DPYD: variants seen among roughly 807,000 people sequenced by gnomAD.
The protein encoded by DPYD is dihydropyrimidine dehydrogenase, also known as dihydropyrimidine dehydrogenase [NADP(+)].
In DPYD, 109 loss-of-function variants were observed where a neutral mutation model predicts 116.2. The observed-to-expected ratio is 0.94, with a 90% CI of 0.80 to 1.10. The LOEUF (loss-of-function observed/expected upper bound fraction) is 1.10. DPYD is among the 50% of genes least tolerant of loss of function. The pLI is 0.00. For missense variants in DPYD, 1,302 were observed against 1,254.5 expected (o/e 1.04, Z -0.57); for synonymous variants, 440 against 432.0 (o/e 1.02, Z -0.23).
chr1:97,721,390 T>G, intron 5 of DPYD, 120 bp downstream of exon 5: 2 of 1,211,862 alleles, frequency 1.7e-6, no homozygotes, highest in Non-Finnish European at 2.4e-6. Flanking sequence ...AAAACATACT[T>G]GAGCTGTGTG....
intron 8 of DPYD, among the ~76,000 whole-genome samples, chr1:97,620,151 T>C (rs904111172): frequency 5.3e-5 from 8 of 152,164 alleles, no homozygotes; most frequent in African/African-American, 4.8e-5. Context: ...TTCATCTTAA[T>C]GTTCTGCCAT....
chr1:97,424,066 T>C (rs1000918497), intron 14 of DPYD, among the ~76,000 whole-genome samples: 3 of 152,100 alleles, frequency 2.0e-5, no homozygotes, highest in Non-Finnish European at 4.4e-5. Flanking sequence ...ATGGTATTTA[T>C]TTTTATCTAC....
intron 16 of DPYD, among the ~76,000 whole-genome samples, chr1:97,369,283 C>T (rs1459402184): frequency 2.6e-5 from 4 of 152,072 alleles, no homozygotes; most frequent in African/African-American, 9.7e-5. Context: ...ACCAGAGAAG[C>T]ACCTTGAGTC....
intron 16 of DPYD, among the ~76,000 whole-genome samples, chr1:97,314,784 C>G (rs938764130): frequency 6.6e-6 from 1 of 151,952 alleles, no homozygotes; most frequent in Non-Finnish European, 1.5e-5. Flanking sequence ...AACAGGAAAT[C>G]CACGGCCTCA....
In DPYD at chr1:97,234,957, G is replaced by A. The variant is rs372413776; in HGVS notation, c.2337C>T (p.Thr779=). 11 of 1,614,024 alleles carry A rather than the reference G, an allele frequency of 6.8e-6. No individual in the cohort carries two copies. Among genetic ancestry groups the A allele is most frequent in the African/African-American group, 1.3e-5 (1 of 75,020 alleles). The change falls in exon 19 of 23, where the codon ACC becomes ACT. Residue 779 remains threonine (T), a synonymous_variant. Transcript: ENST00000370192. ...AIRPIALRAV[T]SIARALPGFP... Reference sequence around the variant, plus strand: ...ATCCAGGCAGAGCACGAGCAATGGAGGTCACAGCTCTCAAAGCAATAGGTC... The same window carrying A: ...ATCCAGGCAGAGCACGAGCAATGGAAGTCACAGCTCTCAAAGCAATAGGTC...
At chr1:97,104,262 C>A (rs1291364382) in intron 20 of DPYD, among the ~76,000 whole-genome samples, 1 of 152,056 alleles carries the variant, frequency 6.6e-6, no homozygotes, top group African/African-American at 2.4e-5. Flanking sequence ...TTTACAAAAT[C>A]TTTCTGGTTG....
At chr1:97,912,362 T>C (rs1392094125) in intron 1 of DPYD, among the ~76,000 whole-genome samples, 1 of 152,152 alleles carries the variant, frequency 6.6e-6, no homozygotes, top group African/African-American at 2.4e-5. Flanking sequence ...AGAGAGAGGC[T>C]TGAATACATT....
chr1:97,089,359 A>G (rs1385704438), intron 21 of DPYD, among the ~76,000 whole-genome samples: 1 of 152,160 alleles, frequency 6.6e-6, no homozygotes, highest in African/African-American at 2.4e-5. Flanking sequence ...CACGTTTCTC[A>G]TTTAACTGGG....
At chr1:97,464,625 G>A (rs185860920) in intron 13 of DPYD, among the ~76,000 whole-genome samples, 128 of 152,314 alleles carry the variant, frequency 8.4e-4, no homozygotes, top group African/African-American at 2.8e-3. Flanking sequence ...GCTTCAGAGC[G>A]TGGAAGCCTC....
chr1:97,742,451 C>G (rs1664322604), intron 3 of DPYD, among the ~76,000 whole-genome samples: 1 of 152,042 alleles, frequency 6.6e-6, no homozygotes, highest in African/African-American at 2.4e-5. Context: ...ATCAATTGTC[C>G]TCTCTGAAAT....
intron 3 of DPYD, among the ~76,000 whole-genome samples, chr1:97,741,802 G>A (rs1267956341): frequency 6.6e-6 from 1 of 152,098 alleles, no homozygotes; most frequent in Non-Finnish European, 1.5e-5. Context: ...GAATCTGGGT[G>A]AAATATAGCA....
chr1:97,246,583 T>C (rs574873286), intron 18 of DPYD, among the ~76,000 whole-genome samples: 26 of 152,230 alleles, frequency 1.7e-4, no homozygotes, highest in African/African-American at 6.0e-4. Context: ...GAACAAATCA[T>C]ATTTATAAAA....
chr1:97,346,911 T>C lies in DPYD; in HGVS notation c.2058+26650A>G, dbSNP rs11810126. On this transcript the variant is annotated intron_variant, in intron 16 of 22. Transcript: ENST00000370192. ...TATGTTAAGTGCTTAGAACAATGTC[T>C]AGCATAAATGCTATATAAAATATTT... is the stretch of plus-strand genomic sequence containing the variant. Among the ~76,000 whole-genome samples the C allele has an allele frequency of 3.1e-3, 464 of 151,998 alleles. 2 individuals carry two copies. Among genetic ancestry groups the C allele is most frequent in the African/African-American group, 0.011 (448 of 41,552 alleles).
intron 13 of DPYD, among the ~76,000 whole-genome samples, chr1:97,488,248 C>T (rs534229787): frequency 1.1e-4 from 17 of 151,924 alleles, no homozygotes; most frequent in African/African-American, 4.1e-4. Flanking sequence ...AGATAGAGGA[C>T]AGATTATGGT....
At chr1:97,823,858 C>T (rs966330237) in intron 3 of DPYD, among the ~76,000 whole-genome samples, 1 of 114,018 alleles carries the variant, frequency 8.8e-6, no homozygotes, top group Non-Finnish European at 1.7e-5. Flanking sequence ...AGTGAGACTA[C>T]AAAGTCTTTT....
At chr1:97,910,904 T>C (rs982817499) in intron 1 of DPYD, among the ~76,000 whole-genome samples, 2 of 152,070 alleles carry the variant, frequency 1.3e-5, no homozygotes, top group African/African-American at 2.4e-5. Context: ...TTATTTGTAT[T>C]CTTATTTACA....
At chr1:97,919,456 T>C (rs976230093) in intron 1 of DPYD, among the ~76,000 whole-genome samples, 2 of 152,172 alleles carry the variant, frequency 1.3e-5, no homozygotes, top group Non-Finnish European at 2.9e-5. Context: ...GAGAAAGAAA[T>C]CAGTTAAGCA....
intron 8 of DPYD, among the ~76,000 whole-genome samples, chr1:97,669,514 T>C (rs1178127480): frequency 6.6e-6 from 1 of 152,168 alleles, no homozygotes; most frequent in African/African-American, 2.4e-5. Context: ...GAAAAACTGA[T>C]TTGATATAAA....
chr1:97,236,825 GA>G (rs1661966396), intron 18 of DPYD, among the ~76,000 whole-genome samples: 1 of 152,200 alleles, frequency 6.6e-6, no homozygotes, highest in Non-Finnish European at 1.5e-5. Flanking sequence ...TGTTGATAAT[GA>G]GGGAGGTCAT....
Sources: allele counts gnomAD v4.1 joint callset (sites outside exome capture counted in the v4.1 genomes callset), GRCh38; gene constraint gnomAD v4.1.1; transcripts MANE v1.5; gene names NCBI Gene and HGNC (gene_info 2026-07-23, HGNC 2026-07-21).